The following ERC2 variants were observed in gnomAD, a reference collection of about 807,000 sequenced individuals.
ERC2 encodes ERC protein 2.
A neutral mutation model predicts 114.8 loss-of-function variants in ERC2; 42 were observed. The observed-to-expected ratio is 0.37, with a 90% CI of 0.29 to 0.47. The LOEUF is 0.47. Ranked by LOEUF, ERC2 falls within the 20% of genes least tolerant of loss-of-function variation. ERC2 has a pLI of 0.99. For missense variants in ERC2, 939 were observed against 1,150.7 expected (o/e 0.82, Z 2.66); for synonymous variants, 454 against 425.5 (o/e 1.07, Z -0.82).
chr3:56,221,352 C>G (rs1250455120), intron 3 of ERC2, among the ~76,000 whole-genome samples: 1 of 141,540 alleles, frequency 7.1e-6, no homozygotes, highest in Non-Finnish European at 1.5e-5. Flanking sequence ...TTATAGAATT[C>G]AAGAGATATT....
chr3:55,577,480 A>G (rs767646544), intron 17 of ERC2, among the ~76,000 whole-genome samples: 18 of 152,226 alleles, frequency 1.2e-4, no homozygotes, highest in Non-Finnish European at 1.9e-4. Context: ...CAAATGTAGC[A>G]TCTGCTCCCC....
intron 17 of ERC2, among the ~76,000 whole-genome samples, chr3:55,642,646 G>T (rs1052443180): frequency 2.8e-4 from 42 of 152,076 alleles, no homozygotes; most frequent in African/African-American, 8.9e-4. Flanking sequence ...AGCTTTAATT[G>T]ACCAATTTTG....
intron 14 of ERC2, among the ~76,000 whole-genome samples, chr3:55,785,485 G>C (rs1420168325): frequency 6.6e-5 from 10 of 152,142 alleles, no homozygotes; most frequent in Admixed American, 4.6e-4. Flanking sequence ...TGGTTATCAT[G>C]GTCCTTACTA....
At chr3:56,408,211 C>G (rs9860812) in intron 2 of ERC2, among the ~76,000 whole-genome samples, 52,479 of 152,030 alleles carry the variant, frequency 0.35, 9,330 homozygotes, top group Admixed American at 0.47. Flanking sequence ...TAAAGACAAA[C>G]GTGTGGAGTT....
rs1037648340 is a variant in ERC2 at position 55,510,642 on chromosome 3, A to T, written c.*674T>A. 2.6e-5 allele frequency: 4 copies of T among 152,630 alleles called. No homozygotes were observed. The highest frequency in any genetic ancestry group is 9.7e-5 in the African/African-American group (4 of 41,446). The allele number at this position is 152,630 out of a possible 1,614,324, so 9.5% of individuals were successfully genotyped here. On this transcript the variant is annotated 3_prime_UTR_variant, in exon 18 of 18. Coordinates refer to ENST00000288221, the MANE Select transcript of ERC2 (RefSeq NM_015576.3). ...TCTTTTCCAACCTGGCCCAGAGGTG[A>T]CTACTGGTTACACCCTCAAAATGCG...
At chr3:56,214,843 ATTCTTAAAGAAAGAATT>A (rs1341232469) in intron 3 of ERC2, among the ~76,000 whole-genome samples, 1 of 152,254 alleles carries the variant, frequency 6.6e-6, no homozygotes, top group East Asian at 1.9e-4. Context: ...AATATTCAAC[ATTCTTAAAGAAAGAATT>A]TTCAACCCAG....
chr3:55,670,573 G>A (rs181315737), intron 17 of ERC2, among the ~76,000 whole-genome samples: 96 of 152,288 alleles, frequency 6.3e-4, no homozygotes, highest in East Asian at 4.1e-3. Context: ...ACCTGGGTTC[G>A]GATCCTAGCT....
chr3:55,710,161 G>C (rs1237957506), intron 15 of ERC2, among the ~76,000 whole-genome samples: 2 of 152,112 alleles, frequency 1.3e-5, no homozygotes, highest in African/African-American at 4.8e-5. Context: ...CCTAACTAGG[G>C]TCGATTTAGT....
At chr3:56,193,733 A>G (rs559438012) in intron 3 of ERC2, among the ~76,000 whole-genome samples, 1 of 152,304 alleles carries the variant, frequency 6.6e-6, no homozygotes, top group South Asian at 2.1e-4. Flanking sequence ...CCATTTTGCA[A>G]CAGAGAAACC....
intron 14 of ERC2, among the ~76,000 whole-genome samples, chr3:55,817,789 C>T (rs939493348): frequency 1.3e-5 from 2 of 152,176 alleles, no homozygotes; most frequent in Non-Finnish European, 2.9e-5. Context: ...AAATAACGCA[C>T]GTAAAGAGCT....
chr3:56,250,651 C>G (rs553634973), intron 3 of ERC2, among the ~76,000 whole-genome samples: 1 of 152,212 alleles, frequency 6.6e-6, no homozygotes, highest in African/African-American at 2.4e-5. Context: ...CTTCAGGAAG[C>G]CCCCTCATTA....
At chr3:56,136,389 C>T (rs191684347) in intron 6 of ERC2, among the ~76,000 whole-genome samples, 96 of 152,228 alleles carry the variant, frequency 6.3e-4, no homozygotes, top group African/African-American at 2.2e-3. Flanking sequence ...GGAGCTATCA[C>T]ATGTAACCTC....
chr3:55,647,869 C>T (rs143689010), intron 17 of ERC2, among the ~76,000 whole-genome samples: 1 of 152,272 alleles, frequency 6.6e-6, no homozygotes, highest in African/African-American at 2.4e-5. Flanking sequence ...GCGCAGCTGG[C>T]TGTGGTCCTG....
At chr3:55,905,730 C>T (rs2064395988) in intron 13 of ERC2, among the ~76,000 whole-genome samples, 1 of 152,182 alleles carries the variant, frequency 6.6e-6, no homozygotes, top group South Asian at 2.1e-4. Context: ...TACTCAACTA[C>T]ATCCCATGCA....
chr3:56,014,111 A>C (rs2073144670), intron 8 of ERC2, among the ~76,000 whole-genome samples: 1 of 152,204 alleles, frequency 6.6e-6, no homozygotes, highest in Non-Finnish European at 1.5e-5. Flanking sequence ...AAAGTTAAAA[A>C]AAAACAGATG....
rs188374535 is a variant in ERC2 at position 55,835,681 on chromosome 3, G to T, written c.2564+52708C>A. On this transcript the variant is annotated intron_variant, in intron 14 of 17. Coordinates refer to ENST00000288221, the MANE Select transcript of ERC2 (RefSeq NM_015576.3). ...GGCAAAAACTGGAAGCATTCCCTTT[G>T]AAAACTGGCACAAGACAGGGATGCC... 5.6e-3 allele frequency among the ~76,000 whole-genome samples: 851 copies of T among 152,272 alleles called. 9 individuals are homozygous for T. Among genetic ancestry groups the T allele is most frequent in the African/African-American group, 0.02 (812 of 41,556 alleles).
At chr3:56,400,542 G>A (rs1413896823) in intron 2 of ERC2, among the ~76,000 whole-genome samples, 1 of 152,146 alleles carries the variant, frequency 6.6e-6, no homozygotes, top group African/African-American at 2.4e-5. Flanking sequence ...AACCCTGTGT[G>A]CTGAATATTT....
intron 17 of ERC2, among the ~76,000 whole-genome samples, chr3:55,631,203 C>A (rs1002071149): frequency 1.3e-5 from 2 of 151,748 alleles, no homozygotes; most frequent in Admixed American, 1.3e-4. Flanking sequence ...AACCTTAATA[C>A]AATTAATTAA....
intron 17 of ERC2, among the ~76,000 whole-genome samples, chr3:55,543,535 C>T (rs1002583215): frequency 2.0e-5 from 3 of 152,198 alleles, no homozygotes; most frequent in Admixed American, 6.5e-5. Context: ...GGCCTCCCTC[C>T]AGTTTCCCTT....
Sources: allele counts gnomAD v4.1 joint callset (sites outside exome capture counted in the v4.1 genomes callset), GRCh38; gene constraint gnomAD v4.1.1; transcripts MANE v1.5; gene names NCBI Gene and HGNC (gene_info 2026-07-23, HGNC 2026-07-21).